ST18: variants seen among roughly 807,000 people sequenced by gnomAD.
ST18 encodes the protein suppression of tumorigenicity 18 protein.
ST18 carries 50 observed loss-of-function variants against 110.0 expected under a neutral mutation model. The observed-to-expected ratio is 0.45, with a 90% CI of 0.36 to 0.58. The LOEUF (loss-of-function observed/expected upper bound fraction) is 0.58, where lower values mean the gene tolerates loss of function less well. Ranked by LOEUF, ST18 falls within the 20% of genes least tolerant of loss-of-function variation. The pLI, the probability that ST18 is intolerant of heterozygous loss-of-function variation, is 0.00. For missense variants in ST18, 1,306 were observed against 1,280.1 expected (o/e 1.02, Z -0.31); for synonymous variants, 461 against 452.4 (o/e 1.02, Z -0.24).
intron 21 of ST18, among the ~76,000 whole-genome samples, chr8:52,132,789 C>T (rs1454405309): frequency 6.6e-6 from 1 of 152,118 alleles, no homozygotes; most frequent in African/African-American, 2.4e-5. Flanking sequence ...TATAGTACTT[C>T]CACAATAATA....
In ST18 at chr8:52,324,404, G is replaced by T. The variant is rs540093530; in HGVS notation, c.-465+84924C>A. Among the ~76,000 whole-genome samples, 3 of 152,114 alleles carry T rather than the reference G, an allele frequency of 2.0e-5. No homozygotes were observed. In the East Asian group the frequency reaches 5.8e-4, roughly 29 times the overall value. On this transcript the variant is annotated intron_variant, in intron 2 of 25. Transcript: ENST00000689386. ...GATAGAGGTCTCAAGTGTGTAGCATGGGTCATAAGAGTTCTGGGGACTAAA... is the reference window on the plus strand; with the variant it reads ...GATAGAGGTCTCAAGTGTGTAGCATTGGTCATAAGAGTTCTGGGGACTAAA...
chr8:52,176,097 C>T (rs867074380), intron 9 of ST18, among the ~76,000 whole-genome samples: 12 of 152,046 alleles, frequency 7.9e-5, no homozygotes, highest in African/African-American at 2.9e-4. Context: ...TCTCTGCTCA[C>T]TGCAACCTCC....
intron 24 of ST18, among the ~76,000 whole-genome samples, chr8:52,117,564 T>A (rs1401866029): frequency 6.6e-6 from 1 of 152,200 alleles, no homozygotes; most frequent in East Asian, 1.9e-4. Context: ...CAGATGGCCA[T>A]TAAATTGATG....
At chr8:52,368,105 C>T (rs900539941) in intron 2 of ST18, among the ~76,000 whole-genome samples, 4 of 152,014 alleles carry the variant, frequency 2.6e-5, no homozygotes, top group African/African-American at 9.7e-5. Context: ...ATTGCAGTGG[C>T]AATCTCTTGG....
chr8:52,292,516 G>A (rs2095571640), intron 2 of ST18, among the ~76,000 whole-genome samples: 1 of 152,208 alleles, frequency 6.6e-6, no homozygotes, highest in Non-Finnish European at 1.5e-5. Flanking sequence ...AATGCCTTAA[G>A]CAGCCTCAGG....
At position 52,251,620 on chromosome 8, in the gene ST18, C is replaced by T. The variant is rs533661346; in HGVS notation, c.-464-21543G>A. On this transcript the variant is annotated intron_variant, in intron 2 of 25. Transcript: ENST00000689386. ...CAGTAAAAGGAAAGACAATGCAGCT[C>T]ATTATCTAGAATGATCAATTGGTCC... Among the ~76,000 whole-genome samples the T allele has an allele frequency of 2.6e-5, 4 of 152,130 alleles. No individual in the cohort carries two copies. The South Asian group carries it at 8.3e-4, about 32-fold the overall frequency.
chr8:52,353,499 C>T (rs1344993773), intron 2 of ST18, among the ~76,000 whole-genome samples: 1 of 152,036 alleles, frequency 6.6e-6, no homozygotes, highest in Non-Finnish European at 1.5e-5. Context: ...AGTTTCTTGT[C>T]TAAATAAAAA....
chr8:52,255,049 C>A (rs1346512501), intron 2 of ST18, among the ~76,000 whole-genome samples: 1 of 152,116 alleles, frequency 6.6e-6, no homozygotes, highest in Non-Finnish European at 1.5e-5. Context: ...AAGCCCCAAG[C>A]TATAAGTAAA....
chr8:52,177,672 T>C (rs949004490), intron 9 of ST18, among the ~76,000 whole-genome samples: 5 of 152,250 alleles, frequency 3.3e-5, no homozygotes, highest in African/African-American at 1.2e-4. Flanking sequence ...TTCTGCATTC[T>C]GAAGGTAGTC....
chr8:52,249,970 A>C (rs1007544655), intron 2 of ST18, among the ~76,000 whole-genome samples: 1 of 151,504 alleles, frequency 6.6e-6, no homozygotes, highest in Non-Finnish European at 1.5e-5. Flanking sequence ...CCTCCCCCCG[A>C]CCCCAGCCCT....
chr8:52,259,623 T>A (rs1463419903), intron 2 of ST18, among the ~76,000 whole-genome samples: 2 of 152,206 alleles, frequency 1.3e-5, no homozygotes, highest in African/African-American at 4.8e-5. Context: ...ACAGTAATGG[T>A]AGCTAAGACT....
intron 10 of ST18, among the ~76,000 whole-genome samples, chr8:52,168,358 G>T (rs1289155302): frequency 1.3e-5 from 2 of 151,646 alleles, no homozygotes. Context: ...GTGCTCCTGT[G>T]CAACGGGGCA....
intron 2 of ST18, among the ~76,000 whole-genome samples, chr8:52,381,732 T>C (rs1834594304): frequency 6.6e-6 from 1 of 152,106 alleles, no homozygotes; most frequent in Non-Finnish European, 1.5e-5. Context: ...GCACTGAGTG[T>C]TATTAGTATG....
chr8:52,294,777 C>T (rs1033237279), intron 2 of ST18, among the ~76,000 whole-genome samples: 1 of 152,196 alleles, frequency 6.6e-6, no homozygotes, highest in African/African-American at 2.4e-5. Context: ...CTCTATACTT[C>T]GTCCTCTCAC....
In ST18 at chr8:52,142,943, T is replaced by C. The variant is rs1276356189; in HGVS notation, c.2155A>G (p.Lys719Glu). Residue 719 changes from lysine (K) to glutamate (E), a missense_variant, in exon 17 of 26, where the codon AAG becomes GAG. Transcript: ENST00000689386. ...KPKLHARDLK[K>E]ELITCPTPGC... The stretch of plus-strand genomic sequence containing the variant: ...GGCACCACTTACGTGATTAGTTCCT[T>C]TTTGAGATCTCTTGCATGAAGCTTG... 1 of 1,613,420 alleles carries C rather than the reference T, an allele frequency of 6.2e-7. No homozygotes were observed. The highest frequency in any genetic ancestry group is 1.7e-5 in the Admixed American group (1 of 60,014).
chr8:52,378,910 G>A (rs1021185401), intron 2 of ST18, among the ~76,000 whole-genome samples: 3 of 151,962 alleles, frequency 2.0e-5, no homozygotes, highest in African/African-American at 7.2e-5. Flanking sequence ...TATGTGATAC[G>A]AGTAAGAACC....
chr8:52,277,012 C>T (rs1445935944), intron 2 of ST18, among the ~76,000 whole-genome samples: 1 of 152,112 alleles, frequency 6.6e-6, no homozygotes, highest in Non-Finnish European at 1.5e-5. Context: ...GGTGATTCAC[C>T]CACCTTGGCC....
At chr8:52,286,272 A>G (rs2095470649) in intron 2 of ST18, among the ~76,000 whole-genome samples, 1 of 152,126 alleles carries the variant, frequency 6.6e-6, no homozygotes, top group African/African-American at 2.4e-5. Flanking sequence ...ATAACATTGT[A>G]TTTTGCATTG....
At chr8:52,383,076 C>T (rs1234475937) in intron 2 of ST18, among the ~76,000 whole-genome samples, 1 of 152,154 alleles carries the variant, frequency 6.6e-6, no homozygotes, top group Non-Finnish European at 1.5e-5. Flanking sequence ...TACTTTTCCT[C>T]GCTTCTCTGC....
Sources: allele counts gnomAD v4.1 joint callset (sites outside exome capture counted in the v4.1 genomes callset), GRCh38; gene constraint gnomAD v4.1.1; transcripts MANE v1.5; gene names NCBI Gene and HGNC (gene_info 2026-07-23, HGNC 2026-07-21).